The following GIPC3 variants were observed in gnomAD, a reference collection of about 807,000 sequenced individuals.
GIPC3 encodes GIPC PDZ domain containing family member 3, also known as PDZ domain-containing protein GIPC3.
Under a neutral mutation model 27.3 loss-of-function variants are expected in GIPC3, and 16 were observed. The observed-to-expected ratio is 0.59, with a 90% CI of 0.40 to 0.89. GIPC3 has a LOEUF of 0.89. Among genes scored for constraint, GIPC3 ranks in the 40% least tolerant of loss-of-function variants. The pLI, the probability that GIPC3 is intolerant of heterozygous loss-of-function variation, is 0.00. For synonymous variants in GIPC3, 194 were observed against 184.6 expected (o/e 1.05, Z -0.41); for missense variants, 440 against 442.1 (o/e 1.00, Z 0.04).
rs1324756587 is a variant in GIPC3 at position 3,593,408 on chromosome 19, C to T, written c.*3218C>T. The T allele has an allele frequency of 1.1e-5, 10 of 939,234 alleles. No individual in the cohort carries two copies. The Admixed American group carries it at 2.1e-4, about 20-fold the overall frequency. 58.2% of individuals were successfully genotyped at this position (939,234 alleles called of 1,614,324 possible). On this transcript the variant is annotated 3_prime_UTR_variant, in exon 6 of 6. Transcript: ENST00000644452. Reference sequence around the variant, plus strand: ...CCAGCAGGCGGTGGTAGGGAGTGTGCGGTGGTGAAAACAGGGGCTTCACCG... The same window carrying T: ...CCAGCAGGCGGTGGTAGGGAGTGTGTGGTGGTGAAAACAGGGGCTTCACCG...
chr19:3,589,302 C>T (rs770152228), intron 3 of GIPC3, 141 bp from the exon 4 acceptor site: 2 of 708,098 alleles, frequency 2.8e-6, no homozygotes, highest in Non-Finnish European at 5.2e-6. Flanking sequence ...GAATAGGTCT[C>T]TGGAGACTTG....
chr19:3,591,867 TC>T lies in GIPC3; in HGVS notation c.*1678del. 8.1e-7 allele frequency: 1 copy of T among 1,232,770 alleles called. No homozygotes were observed. Among genetic ancestry groups the T allele is most frequent in the East Asian group, 3.2e-5 (1 of 31,704 alleles). 76.4% of individuals were successfully genotyped at this position (1,232,770 alleles called of 1,614,324 possible). A position where few individuals can be genotyped will look rare whatever the true frequency, so the allele number is the denominator to read the frequency against. On this transcript the variant is annotated 3_prime_UTR_variant, in exon 6 of 6. Coordinates refer to ENST00000644452, the MANE Select transcript of GIPC3 (RefSeq NM_133261.3). ...CACACAGCTTGGTGCCAAGCCCCACTCTCCTTGCACAATGCAGCTCAGCTCT... is the reference window on the plus strand; with the variant it reads ...CACACAGCTTGGTGCCAAGCCCCACTTCCTTGCACAATGCAGCTCAGCTCT...
At position 3,592,552 on chromosome 19, in the gene GIPC3, C is replaced by G; in HGVS notation, c.*2362C>G. The G allele has an allele frequency of 1.6e-6, 2 of 1,231,878 alleles. No individual in the cohort carries two copies. Among genetic ancestry groups the G allele is most frequent in the Non-Finnish European group, 2.0e-6 (2 of 987,826 alleles). 76.3% of individuals were successfully genotyped at this position (1,231,878 alleles called of 1,614,324 possible). A position where few individuals can be genotyped will look rare whatever the true frequency, so the allele number is the denominator to read the frequency against. ...GCTCATCTTAGCTCCAGAACCCAGT[C>G]CAGTCCTGAGACCAGGCTCAGCTCT... On this transcript the variant is annotated 3_prime_UTR_variant, in exon 6 of 6. Coordinates refer to ENST00000644452, the MANE Select transcript of GIPC3 (RefSeq NM_133261.3).
chr19:3,589,360 G>T, intron 3 of GIPC3, 83 bp from the exon 4 acceptor site: 1 of 967,254 alleles, frequency 1.0e-6, no homozygotes, highest in Non-Finnish European at 1.7e-6. Context: ...ATTCTAGAAA[G>T]GCTCGGCTGT....
Position 3,589,879 on chromosome 19 carries a change from G to A in GIPC3, c.754G>A (p.Glu252Lys). The change falls in exon 5 of 6, where the codon GAA (glutamate) becomes AAA (lysine). Residue 252 changes from glutamate to lysine, a missense_variant. Physicochemically the swap from Glu to Lys is moderately conservative, Grantham distance 56 (BLOSUM62 1). Coordinates refer to ENST00000644452, the MANE Select transcript of GIPC3 (RefSeq NM_133261.3). ...ATCTCGGAAGGTTGATGACCTGCTG[G>A]AAAGCTACATGGGCATTCGGGACCC... ...EASRKVDDLL[E>K]SYMGIRDPEL... The A allele has an allele frequency of 6.2e-7, 1 of 1,613,946 alleles. No individual in the cohort carries two copies. The highest frequency in any genetic ancestry group is 8.5e-7 in the Non-Finnish European group (1 of 1,180,026).
In GIPC3 at chr19:3,586,847, G is replaced by A. The variant is rs779520578; in HGVS notation, c.445G>A (p.Glu149Lys). 3.1e-6 allele frequency: 5 copies of A among 1,613,644 alleles called. No homozygotes were observed. Among genetic ancestry groups the A allele is most frequent in the South Asian group, 2.2e-5 (2 of 91,086 alleles). The change falls in exon 3 of 6, where the codon GAG becomes AAG. Residue 149 changes from glutamate (E) to lysine (K), a missense_variant. Coordinates refer to ENST00000644452, the MANE Select transcript of GIPC3 (RefSeq NM_133261.3). ...GGAAGGCAGTATCATCAACCGGATC[G>A]AGGCAGTGTGCGTGGGTGACAGCAT... ...IKEGSIINRI[E>K]AVCVGDSIEA... is the part of the protein sequence containing the mutation.
chr19:3,589,646 A>G (rs2145273937), intron 4 of GIPC3, 91 bp downstream of exon 4: 1 of 1,239,622 alleles, frequency 8.1e-7, no homozygotes, highest in East Asian at 2.4e-5. Flanking sequence ...TTCTCCTCGG[A>G]GCCTCAGTTT....
chr19:3,592,421 C>A lies in GIPC3; in HGVS notation c.*2231C>A. The A allele has an allele frequency of 3.2e-6, 4 of 1,231,880 alleles. No individual in the cohort carries two copies. Among genetic ancestry groups the A allele is most frequent in the Non-Finnish European group, 4.0e-6 (4 of 987,932 alleles). 76.3% of individuals were successfully genotyped at this position (1,231,880 alleles called of 1,614,324 possible). A position where few individuals can be genotyped will look rare whatever the true frequency, so the allele number is the denominator to read the frequency against. On this transcript the variant is annotated 3_prime_UTR_variant, in exon 6 of 6. Transcript: ENST00000644452. ...CTGGAAGTCAGCTTAGTTCGGGAAC[C>A]CAGCTGATTTCCGGAGCCCAACCCA...
At chr19:3,589,160 T>G (rs1411741076) in intron 3 of GIPC3, among the ~76,000 whole-genome samples, 2 of 152,092 alleles carry the variant, frequency 1.3e-5, no homozygotes, top group Admixed American at 1.3e-4. Flanking sequence ...AAGCAGTCCC[T>G]TCTAGAGAAA....
chr19:3,585,720 G>T lies in GIPC3; in HGVS notation c.123G>T (p.Thr41=), dbSNP rs1458681443. 6.7e-7 allele frequency: 1 copy of T among 1,481,942 alleles called. No homozygotes were observed. The highest frequency in any genetic ancestry group is 1.3e-5 in the South Asian group (1 of 77,262). 91.8% of individuals were successfully genotyped at this position (1,481,942 alleles called of 1,614,324 possible). Reference sequence around the variant, plus strand: ...CCCGCCCGCGCCTCGTCTTCCGCACGCAGCTGGCGCACGGGAGCCCCACGG... The same window carrying T: ...CCCGCCCGCGCCTCGTCTTCCGCACTCAGCTGGCGCACGGGAGCCCCACGG... The part of the protein sequence containing the change: ...PRARPRLVFR[T]QLAHGSPTGK... Residue 41 remains threonine (T), a synonymous_variant, in exon 1 of 6, where the codon ACG becomes ACT. Coordinates refer to ENST00000644452, the MANE Select transcript of GIPC3 (RefSeq NM_133261.3).
rs1464633935 is a variant in GIPC3 at position 3,591,962 on chromosome 19, C to T, written c.*1772C>T. ...GGCCAAGCTCCAGAGCTCAATCCAGCCCAAGCACCGCACCCAGCTCTGGAA... is the reference window on the plus strand; with the variant it reads ...GGCCAAGCTCCAGAGCTCAATCCAGTCCAAGCACCGCACCCAGCTCTGGAA... On this transcript the variant is annotated 3_prime_UTR_variant, in exon 6 of 6. Transcript: ENST00000644452. 2.4e-6 allele frequency: 3 copies of T among 1,232,108 alleles called. No individual in the cohort carries two copies. Among genetic ancestry groups the T allele is most frequent in the South Asian group, 4.1e-5 (1 of 24,322 alleles). 76.3% of individuals were successfully genotyped at this position (1,232,108 alleles called of 1,614,324 possible). A position where few individuals can be genotyped will look rare whatever the true frequency, so the allele number is the denominator to read the frequency against.
chr19:3,590,458 C>A lies in GIPC3; in HGVS notation c.*268C>A. On this transcript the variant is annotated 3_prime_UTR_variant, in exon 6 of 6. Coordinates refer to ENST00000644452, the MANE Select transcript of GIPC3 (RefSeq NM_133261.3). ...TCTAAAACTCAGGCCAGCCCTGAGA[C>A]CAAGCCCAGCTCTAGAACTCAGATG... is the stretch of plus-strand genomic sequence containing the variant. 7.0e-7 allele frequency: 1 copy of A among 1,423,688 alleles called. No homozygotes were observed. Among genetic ancestry groups the A allele is most frequent in the South Asian group, 1.6e-5 (1 of 63,828 alleles). 88.2% of individuals were successfully genotyped at this position (1,423,688 alleles called of 1,614,324 possible). A position where few individuals can be genotyped will look rare whatever the true frequency, so the allele number is the denominator to read the frequency against.
chr19:3,586,631 C>T lies in GIPC3; in HGVS notation c.362C>T (p.Ala121Val). 6.2e-7 allele frequency: 1 copy of T among 1,612,268 alleles called. No individual in the cohort carries two copies. Among genetic ancestry groups the T allele is most frequent in the Non-Finnish European group, 8.5e-7 (1 of 1,179,366 alleles). The change falls in exon 2 of 6, where the codon GCT (alanine) becomes GTT (valine). Residue 121 changes from alanine (A) to valine (V), a missense_variant. Physicochemically the swap from Ala to Val is moderately conservative, Grantham distance 64. Transcript: ENST00000644452. ...GTGGAGGTCACTAAGACAGAGGATG[C>T]TCTGGGGCTGACCATCACGGACAAC... is the stretch of plus-strand genomic sequence containing the variant. ...KEVEVTKTED[A>V]LGLTITDNGA...
chr19:3,585,867 G>T (rs1483852487), intron 1 of GIPC3, 45 bp downstream of exon 1: 13 of 1,526,734 alleles, frequency 8.5e-6, no homozygotes, highest in Non-Finnish European at 1.1e-5. Flanking sequence ...CGCCTGATGG[G>T]GTGAGGGGTA....
At position 3,590,932 on chromosome 19, in the gene GIPC3, T is replaced by G. The variant is rs1015910946; in HGVS notation, c.*742T>G. 1.6e-6 allele frequency: 2 copies of G among 1,230,490 alleles called. No individual in the cohort carries two copies. Among genetic ancestry groups the G allele is most frequent in the Non-Finnish European group, 2.0e-6 (2 of 988,456 alleles). The allele number at this position is 1,230,490 out of a possible 1,614,324, so 76.2% of individuals were successfully genotyped here. A position where few individuals can be genotyped will look rare whatever the true frequency, so the allele number is the denominator to read the frequency against. On this transcript the variant is annotated 3_prime_UTR_variant, in exon 6 of 6. Coordinates refer to ENST00000644452, the MANE Select transcript of GIPC3 (RefSeq NM_133261.3). Reference sequence around the variant, plus strand: ...ACCATGCCCAGCTCTAGAACTCAGATGAGCTCTGAGACAGAGCCCAGTATT... The same window carrying G: ...ACCATGCCCAGCTCTAGAACTCAGAGGAGCTCTGAGACAGAGCCCAGTATT...
Position 3,593,373 on chromosome 19 carries a change from CCTT to C in GIPC3, c.*3184_*3186del, listed in dbSNP as rs1364611599. 8.7e-7 allele frequency: 1 copy of C among 1,154,956 alleles called. No homozygotes were observed. The highest frequency in any genetic ancestry group is 4.2e-5 in the Admixed American group (1 of 23,618). The allele number at this position is 1,154,956 out of a possible 1,614,324, so 71.5% of individuals were successfully genotyped here. On this transcript the variant is annotated 3_prime_UTR_variant, in exon 6 of 6. Transcript: ENST00000644452. ...TGGGGCCCCCAGAAGCAGCAAGTGA[CCTT>C]ATTTCTCCAGCAGGCGGTGGTAGGG...
intron 3 of GIPC3, among the ~76,000 whole-genome samples, chr19:3,587,690 C>CTCTTCTT (rs2032399824): frequency 1.5e-5 from 2 of 130,608 alleles, no homozygotes; most frequent in African/African-American, 6.4e-5. Flanking sequence ...TTTTTCTTTT[C>CTCTTCTT]TTTTCTTTTT....
intron 2 of GIPC3, 59 bp downstream of exon 2, chr19:3,586,739 C>T: frequency 1.2e-6 from 2 of 1,610,534 alleles, no homozygotes; most frequent in Middle Eastern, 1.7e-4. Flanking sequence ...CCCCCCCACT[C>T]TGGGTCGACG....
rs2032526554 is a variant in GIPC3, at chr19:3,593,335, G to A, written c.*3145G>A. Reference sequence around the variant, plus strand: ...GTTCATGTGGTTCTCGTCCTCTCCTGTCCCTTCCAGCCTGGGGCCCCCAGA... The same window carrying A: ...GTTCATGTGGTTCTCGTCCTCTCCTATCCCTTCCAGCCTGGGGCCCCCAGA... On this transcript the variant is annotated 3_prime_UTR_variant, in exon 6 of 6. Coordinates refer to ENST00000644452, the MANE Select transcript of GIPC3 (RefSeq NM_133261.3). 3 of 1,231,998 alleles carry A rather than the reference G, an allele frequency of 2.4e-6. No homozygotes were observed. Among genetic ancestry groups the A allele is most frequent in the Non-Finnish European group, 3.0e-6 (3 of 987,946 alleles). 76.3% of individuals were successfully genotyped at this position (1,231,998 alleles called of 1,614,324 possible). A position where few individuals can be genotyped will look rare whatever the true frequency, so the allele number is the denominator to read the frequency against.
Sources: gnomAD v4.1 joint callset for allele counts (sites outside exome capture counted in the v4.1 genomes callset) on GRCh38, gnomAD v4.1.1 for gene constraint, MANE v1.5 for transcripts, NCBI Gene and HGNC (gene_info 2026-07-23, HGNC 2026-07-21) for gene names.